Variants in CORO1B observed in about 807,000 individuals in gnomAD.
CORO1B encodes the protein coronin-1B.
In CORO1B, 30 loss-of-function variants were observed where a neutral mutation model predicts 51.1. The ratio of observed to expected loss-of-function variants is 0.59; its 90% CI spans 0.44 to 0.80. CORO1B has a LOEUF of 0.80. Among genes scored for constraint, CORO1B ranks in the 30% least tolerant of loss-of-function variants. CORO1B has a pLI of 0.00. For synonymous variants in CORO1B, 310 were observed against 289.7 expected, an observed-to-expected ratio of 1.07 and a Z score of -0.71; for missense variants, 648 against 700.4, an observed-to-expected ratio of 0.93 and a Z score of 0.84.
chr11:67,438,063 A>AATTTTATTTGGAATGAAAATATAGAGCCC lies in CORO1B; in HGVS notation c.*284_*312dup, dbSNP rs1864321407. The AATTTTATTTGGAATGAAAATATAGAGCCC allele has an allele frequency of 2.7e-6, 1 of 369,918 alleles. No homozygotes were observed. The highest frequency in any genetic ancestry group is 2.1e-5 in the African/African-American group (1 of 48,174). The allele number at this position is 369,918 out of a possible 1,614,324, so 22.9% of individuals were successfully genotyped here. A position where few individuals can be genotyped will look rare whatever the true frequency, so the allele number is the denominator to read the frequency against. ...AGGTCAGCCTGGCTTTTAGAAAGAG[A>AATTTTATTTGGAATGAAAATATAGAGCCC]ATTTTATTTGGAATGAAAATATAGA... On this transcript the variant is annotated 3_prime_UTR_variant, in exon 11 of 11. Transcript: ENST00000341356.
chr11:67,437,683 G>C lies in CORO1B; in HGVS notation c.*693C>G. The C allele has an allele frequency of 7.4e-7, 1 of 1,345,124 alleles. No homozygotes were observed. The highest frequency in any genetic ancestry group is 2.3e-5 in the South Asian group (1 of 43,208). 83.3% of individuals were successfully genotyped at this position (1,345,124 alleles called of 1,614,324 possible). A position where few individuals can be genotyped will look rare whatever the true frequency, so the allele number is the denominator to read the frequency against. ...GCTCTGGCTGTGTCGAGCGAGAAGT[G>C]AGCTCAGTGCTCGTCTGCAGTGAAG... On this transcript the variant is annotated 3_prime_UTR_variant, in exon 11 of 11. Coordinates refer to ENST00000341356, the MANE Select transcript of CORO1B (RefSeq NM_020441.3).
intron 8 of CORO1B, 118 bp downstream of exon 8, chr11:67,440,000 T>G: frequency 6.7e-7 from 1 of 1,487,288 alleles, no homozygotes; most frequent in Non-Finnish European, 9.1e-7. Flanking sequence ...CTCGTGACAG[T>G]TCTCATGGCC....
At chr11:67,438,541 G>T in intron 10 of CORO1B, 40 bp from the exon 11 acceptor site, 1 of 1,581,398 alleles carries the variant, frequency 6.3e-7, no homozygotes. Flanking sequence ...CGGTGGTCAG[G>T]GGCTGCTAAG....
rs1590982781 is a variant in CORO1B, at chr11:67,436,356, G to A, written c.*2020C>T. 2 of 1,450,922 alleles carry A rather than the reference G, an allele frequency of 1.4e-6. No individual in the cohort carries two copies. Among genetic ancestry groups the A allele is most frequent in the African/African-American group, 1.4e-5 (1 of 70,134 alleles). 89.9% of individuals were successfully genotyped at this position (1,450,922 alleles called of 1,614,324 possible). On this transcript the variant is annotated 3_prime_UTR_variant, in exon 11 of 11. Transcript: ENST00000341356. ...CCTAAGGTGCAGGGCAGAGCCTGTG[G>A]GAGACAGGCAGGGGCTCAGAGGGCT...
At chr11:67,440,887 C>T (rs746814356) in intron 6 of CORO1B, 48 of 659,374 alleles carry the variant, frequency 7.3e-5, no homozygotes, top group Admixed American at 1.9e-4. Flanking sequence ...AGGGCCCTTC[C>T]GTTGGCATGA....
intron 9 of CORO1B, among the ~76,000 whole-genome samples, chr11:67,439,440 T>C (rs1864353508): frequency 6.6e-6 from 1 of 152,202 alleles, no homozygotes; most frequent in African/African-American, 2.4e-5. Flanking sequence ...ACTGTGCCCT[T>C]CGCCTGGCCT....
intron 6 of CORO1B, 190 bp downstream of exon 6, chr11:67,440,935 T>TG: frequency 1.3e-6 from 1 of 744,476 alleles, no homozygotes; most frequent in Non-Finnish European, 2.2e-6. Context: ...TGGGAGGCCA[T>TG]GGGGGAGTGG....
At position 67,438,732 on chromosome 11, in the gene CORO1B, G is replaced by T. The variant is rs1196579813; in HGVS notation, c.1283C>A (p.Ala428Asp). ...AGCAGCAGTGGTGGTGGAGGCGGGGGCCCCTAGGTGGGAGGAGCCCGGGGC... is the reference window on the plus strand; with the variant it reads ...AGCAGCAGTGGTGGTGGAGGCGGGGTCCCCTAGGTGGGAGGAGCCCGGGGC... ...AMAPGSSHLG[A>D]PASTTTAADA... Residue 428 changes from alanine to aspartate, a missense_variant, in exon 10 of 11, where the codon GCC (alanine) becomes GAC (aspartate). Physicochemically the swap from Ala to Asp is moderately radical, Grantham distance 126. Transcript: ENST00000341356. The T allele has an allele frequency of 5.2e-6, 8 of 1,550,300 alleles. No homozygotes were observed. Among genetic ancestry groups the T allele is most frequent in the East Asian group, 2.4e-5 (1 of 41,550 alleles).
In CORO1B at chr11:67,437,562, A is replaced by C. The variant is rs1864311965; in HGVS notation, c.*814T>G. The C allele has an allele frequency of 7.5e-7, 1 of 1,337,390 alleles. No individual in the cohort carries two copies. Among genetic ancestry groups the C allele is most frequent in the Non-Finnish European group, 9.7e-7 (1 of 1,034,424 alleles). 82.8% of individuals were successfully genotyped at this position (1,337,390 alleles called of 1,614,324 possible). On this transcript the variant is annotated 3_prime_UTR_variant, in exon 11 of 11. Coordinates refer to ENST00000341356, the MANE Select transcript of CORO1B (RefSeq NM_020441.3). Reference sequence around the variant, plus strand: ...TTAGCTCCACAGGCCCAGACATTCTAGCCCCGACCGCCTGTGGCCCCCATC... The same window carrying C: ...TTAGCTCCACAGGCCCAGACATTCTCGCCCCGACCGCCTGTGGCCCCCATC...
In CORO1B at chr11:67,441,732, C is replaced by G. The variant is rs1590987628; in HGVS notation, c.454+1G>C. 1 of 1,609,158 alleles carries G rather than the reference C, an allele frequency of 6.2e-7. No individual in the cohort carries two copies. The highest frequency in any genetic ancestry group is 8.5e-7 in the Non-Finnish European group (1 of 1,178,670). On this transcript the variant is annotated splice_donor_variant, in intron 4 of 10. Coordinates refer to ENST00000341356, the MANE Select transcript of CORO1B (RefSeq NM_020441.3). LOFTEE classifies it high-confidence loss of function. ...AGCACAAAACGGGGGGCGGTGCAGA[C>G]CTGCACTGAGCAGCACGTTTCGGGC...
chr11:67,442,101 G>A lies in CORO1B; in HGVS notation c.202-13C>T. ...CAATGCGGCCCGTCTGTGGGCACGAGGGGGCAGTCAGTGGGCTCCATCCCT... is the reference window on the plus strand; with the variant it reads ...CAATGCGGCCCGTCTGTGGGCACGAAGGGGCAGTCAGTGGGCTCCATCCCT... On this transcript the variant is annotated splice_polypyrimidine_tract_variant and intron_variant, in intron 2 of 10. Coordinates refer to ENST00000341356, the MANE Select transcript of CORO1B (RefSeq NM_020441.3). 1 of 1,606,598 alleles carries A rather than the reference G, an allele frequency of 6.2e-7. No homozygotes were observed. Among genetic ancestry groups the A allele is most frequent in the South Asian group, 1.1e-5 (1 of 91,012 alleles).
chr11:67,441,154 TC>T lies in CORO1B; in HGVS notation c.726del (p.Met242IlefsTer66). 6.2e-7 allele frequency: 1 copy of T among 1,613,058 alleles called. No individual in the cohort carries two copies. Among genetic ancestry groups the T allele is most frequent in the Non-Finnish European group, 8.5e-7 (1 of 1,180,002 alleles). On this transcript the variant is annotated frameshift_variant, in exon 6 of 11. Coordinates refer to ENST00000341356, the MANE Select transcript of CORO1B (RefSeq NM_020441.3). LOFTEE classifies it high-confidence loss of function. The part of the protein sequence containing the change: ...GKVFTTGFSR[M>X]SERQLALWDP... ...TCCCAGAGCGCCAGCTGCCGCTCGC[TC>T]ATTCGGCTGAAGCCTGTGGTGAACA...
Position 67,438,778 on chromosome 11 carries a change from A to T in CORO1B, c.1237T>A (p.Ser413Thr), listed in dbSNP as rs1239790448. Residue 413 changes from serine to threonine, a missense_variant, in exon 10 of 11, where the codon TCT becomes ACT. Physicochemically the swap from Ser to Thr is moderately conservative, Grantham distance 58 (BLOSUM62 1). Coordinates refer to ENST00000341356, the MANE Select transcript of CORO1B (RefSeq NM_020441.3). Reference protein sequence around the residue: ...DLKISRRNVLSDSRPAMAPGS... With the variant: ...DLKISRRNVLTDSRPAMAPGS... Reference sequence around the variant, plus strand: ...GGGGCCATGGCGGGCCGGCTGTCAGACAACACGTTGCGCCGGCTGATCTTC... The same window carrying T: ...GGGGCCATGGCGGGCCGGCTGTCAGTCAACACGTTGCGCCGGCTGATCTTC... 6.9e-6 allele frequency: 11 copies of T among 1,591,414 alleles called. No individual in the cohort carries two copies. Among genetic ancestry groups the T allele is most frequent in the Non-Finnish European group, 9.4e-6 (11 of 1,171,774 alleles).
Position 67,436,112 on chromosome 11 carries a change from A to G in CORO1B, c.*2264T>C. 6.2e-7 allele frequency: 1 copy of G among 1,602,142 alleles called. No individual in the cohort carries two copies. Among genetic ancestry groups the G allele is most frequent in the Non-Finnish European group, 8.5e-7 (1 of 1,174,462 alleles). On this transcript the variant is annotated 3_prime_UTR_variant, in exon 11 of 11. Transcript: ENST00000341356. ...GCGACCTGGGGGGCTGGCCCAGAGC[A>G]GGCGCCGCGTGCGGCCCCACAGCGC...
In CORO1B at chr11:67,443,443, C is replaced by T. The variant is rs991784133; in HGVS notation, c.-42G>A. ...GCGCAGGGGGCTGCGGCACCGGCTT[C>T]GGGCGGCTCCGGATCCCGGCCTCTG... On this transcript the variant is annotated 5_prime_UTR_variant, in exon 1 of 11. Coordinates refer to ENST00000341356, the MANE Select transcript of CORO1B (RefSeq NM_020441.3). 5.1e-6 allele frequency: 5 copies of T among 986,130 alleles called. No homozygotes were observed. The African/African-American group carries it at 7.0e-5, about 14-fold the overall frequency. The allele number at this position is 986,130 out of a possible 1,614,324, so 61.1% of individuals were successfully genotyped here. A position where few individuals can be genotyped will look rare whatever the true frequency, so the allele number is the denominator to read the frequency against.
rs370854668 is a variant in CORO1B at position 67,436,291 on chromosome 11, C to A, written c.*2085G>T. 334 of 1,532,638 alleles carry A rather than the reference C, an allele frequency of 2.2e-4. No homozygotes were observed. Among genetic ancestry groups the A allele is most frequent in the Non-Finnish European group, 2.9e-4 (327 of 1,143,372 alleles). The allele number at this position is 1,532,638 out of a possible 1,614,324, so 94.9% of individuals were successfully genotyped here. A position where few individuals can be genotyped will look rare whatever the true frequency, so the allele number is the denominator to read the frequency against. ...CCACGCTGTCCTCCGCGCTGCCACC[C>A]GAGCCCAAGGCCCCTGGCAGGGCCA... On this transcript the variant is annotated 3_prime_UTR_variant, in exon 11 of 11. Coordinates refer to ENST00000341356, the MANE Select transcript of CORO1B (RefSeq NM_020441.3).
chr11:67,438,699 G>T lies in CORO1B; in HGVS notation c.1316C>A (p.Thr439Asn). 6.5e-7 allele frequency: 1 copy of T among 1,547,932 alleles called. No homozygotes were observed. Residue 439 changes from threonine (T) to asparagine (N), a missense_variant, in exon 10 of 11, where the codon ACC becomes AAC. Thr to Asn is a moderately conservative substitution (Grantham distance 65, BLOSUM62 0). Coordinates refer to ENST00000341356, the MANE Select transcript of CORO1B (RefSeq NM_020441.3). ...PASTTTAADA[T>N]PSGSLARAGE... is the part of the protein sequence containing the mutation. ...GGCTCTGGCCAGGCTGCCGCTGGGG[G>T]TGGCATCAGCAGCAGTGGTGGTGGA...
At position 67,441,895 on chromosome 11, in the gene CORO1B, C is replaced by T. The variant is rs776228956; in HGVS notation, c.325-33G>A. 21 of 1,613,024 alleles carry T rather than the reference C, an allele frequency of 1.3e-5. 1 individual carries two copies. In the Middle Eastern group the frequency reaches 4.9e-4, roughly 38 times the overall value. Reference sequence around the variant, plus strand: ...AGGGACAGGGCCACCGAGCTCAGTCCTCTGCTGGTCCTATTGCTGGCCCCC... The same window carrying T: ...AGGGACAGGGCCACCGAGCTCAGTCTTCTGCTGGTCCTATTGCTGGCCCCC... On this transcript the variant is annotated intron_variant, in intron 3 of 10. Transcript: ENST00000341356.
In CORO1B at chr11:67,437,544, C is replaced by T. The variant is rs1864311699; in HGVS notation, c.*832G>A. 2 of 1,319,544 alleles carry T rather than the reference C, an allele frequency of 1.5e-6. No individual in the cohort carries two copies. Among genetic ancestry groups the T allele is most frequent in the South Asian group, 5.5e-5 (2 of 36,632 alleles). 81.7% of individuals were successfully genotyped at this position (1,319,544 alleles called of 1,614,324 possible). On this transcript the variant is annotated 3_prime_UTR_variant, in exon 11 of 11. Transcript: ENST00000341356. Reference sequence around the variant, plus strand: ...GCCAATGTGGGGCCCTCCTTAGCTCCACAGGCCCAGACATTCTAGCCCCGA... The same window carrying T: ...GCCAATGTGGGGCCCTCCTTAGCTCTACAGGCCCAGACATTCTAGCCCCGA...
Sources: allele counts gnomAD v4.1 joint callset (sites outside exome capture counted in the v4.1 genomes callset), GRCh38; gene constraint gnomAD v4.1.1; transcripts MANE v1.5; gene names NCBI Gene and HGNC (gene_info 2026-07-23, HGNC 2026-07-21).